NSMAF: variants seen among roughly 807,000 people sequenced by gnomAD.
The protein encoded by NSMAF is protein FAN.
In NSMAF, 90 loss-of-function variants were observed where a neutral mutation model predicts 134.9. That is an observed-to-expected ratio of 0.67 (90% CI 0.56 to 0.79). The LOEUF is 0.79. Ranked by LOEUF, NSMAF falls within the 30% of genes least tolerant of loss-of-function variation. The probability of loss-of-function intolerance (pLI) is 0.00; values close to 1 mark genes in which losing one functional copy is unlikely to be tolerated. For synonymous variants in NSMAF, 358 were observed against 389.6 expected (o/e 0.92, Z 0.96); for missense variants, 1,010 against 1,119.0 (o/e 0.90, Z 1.39).
At chr8:58,638,624 A>G (rs1001292444) in intron 2 of NSMAF, among the ~76,000 whole-genome samples, 1 of 152,182 alleles carries the variant, frequency 6.6e-6, no homozygotes, top group Non-Finnish European at 1.5e-5. Flanking sequence ...ATAAAAATCT[A>G]CTTGAAATGA....
chr8:58,637,039 CACCCACA>C (rs1166100666), intron 2 of NSMAF, among the ~76,000 whole-genome samples: 12 of 146,570 alleles, frequency 8.2e-5, no homozygotes, highest in Admixed American at 1.3e-4. Flanking sequence ...CACACACACA[CACCCACA>C]CACAAACACA....
At chr8:58,609,463 C>T (rs1181277983) in intron 10 of NSMAF, 141 bp downstream of exon 10, 3 of 749,974 alleles carry the variant, frequency 4.0e-6, no homozygotes, top group Non-Finnish European at 6.6e-6. Context: ...TTGTAAAATA[C>T]ACAGATGCTG....
chr8:58,586,103 G>A (rs539003772), intron 28 of NSMAF, 103 bp from the exon 29 acceptor site: 18 of 899,032 alleles, frequency 2.0e-5, no homozygotes, highest in African/African-American at 8.2e-5. Context: ...CTCCACATTC[G>A]TTTTCTTCAA....
chr8:58,595,767 A>T, intron 21 of NSMAF, 108 bp from the exon 22 acceptor site: 1 of 702,210 alleles, frequency 1.4e-6, no homozygotes, highest in Non-Finnish European at 2.5e-6. Context: ...GAAATGAAAC[A>T]CCCTGTCACA....
At chr8:58,587,787 C>A in intron 26 of NSMAF, 86 bp from the exon 27 acceptor site, 1 of 1,113,752 alleles carries the variant, frequency 9.0e-7, no homozygotes, top group South Asian at 1.4e-5. Context: ...CTCCTATGCT[C>A]AATTTCCATT....
intron 6 of NSMAF, among the ~76,000 whole-genome samples, chr8:58,627,665 A>T (rs1404336203): frequency 1.3e-5 from 2 of 152,238 alleles, no homozygotes; most frequent in East Asian, 3.8e-4. Flanking sequence ...CAAGGAGGTA[A>T]AATAGCTCTA....
chr8:58,619,326 AG>A (rs1806731281), intron 9 of NSMAF, among the ~76,000 whole-genome samples: 2 of 152,202 alleles, frequency 1.3e-5, no homozygotes, highest in Non-Finnish European at 2.9e-5. Context: ...AATCTCACAA[AG>A]GTAGCAATAA....
chr8:58,592,917 C>A (rs28623575), intron 23 of NSMAF, among the ~76,000 whole-genome samples: 9,312 of 66,420 alleles, frequency 0.14, 640 homozygotes, highest in East Asian at 0.39. Flanking sequence ...ACAACAACAA[C>A]AAAAAAAAAA....
rs372196879 is a variant in NSMAF, at chr8:58,594,307, T to C, written c.1893-17A>G. 1 of 1,608,826 alleles carries C rather than the reference T, an allele frequency of 6.2e-7. No homozygotes were observed. The highest frequency in any genetic ancestry group is 8.5e-7 in the Non-Finnish European group (1 of 1,175,318). On this transcript the variant is annotated splice_polypyrimidine_tract_variant and intron_variant, in intron 22 of 30. Coordinates refer to ENST00000038176, the MANE Select transcript of NSMAF (RefSeq NM_003580.4). Reference sequence around the variant, plus strand: ...GTAACTGCTCTGCTCAAAAACAAAGTTTCACAAATTACTACTCATCATGTG... The same window carrying C: ...GTAACTGCTCTGCTCAAAAACAAAGCTTCACAAATTACTACTCATCATGTG...
At chr8:58,599,470 C>A in intron 18 of NSMAF, 107 bp from the exon 19 acceptor site, 2 of 1,250,490 alleles carry the variant, frequency 1.6e-6, no homozygotes, top group Non-Finnish European at 1.1e-6. Context: ...GCAAGAGGTC[C>A]ATATTTCTTA....
chr8:58,589,975 C>T (rs368160639), intron 25 of NSMAF, 32 bp downstream of exon 25: 83 of 1,587,714 alleles, frequency 5.2e-5, no homozygotes, highest in Non-Finnish European at 6.0e-5. Flanking sequence ...TTCTGCACGT[C>T]GAATCACAGA....
At chr8:58,646,273 A>C (rs1807450329) in intron 1 of NSMAF, among the ~76,000 whole-genome samples, 1 of 152,224 alleles carries the variant, frequency 6.6e-6, no homozygotes, top group Non-Finnish European at 1.5e-5. Context: ...ACAAGACAGA[A>C]TTGGAGTTAC....
chr8:58,625,101 G>A (rs889185336), intron 6 of NSMAF, among the ~76,000 whole-genome samples: 11 of 152,142 alleles, frequency 7.2e-5, no homozygotes, highest in African/African-American at 2.7e-4. Flanking sequence ...TCCCCAATGT[G>A]GGTGGGCCTC....
chr8:58,658,916 C>A (rs1390438833), intron 1 of NSMAF, among the ~76,000 whole-genome samples: 1 of 152,216 alleles, frequency 6.6e-6, no homozygotes, highest in Non-Finnish European at 1.5e-5. Flanking sequence ...AGCTTTCCAA[C>A]ACAAGGTCCA....
At chr8:58,658,294 TCA>T (rs551336317) in intron 1 of NSMAF, among the ~76,000 whole-genome samples, 99 of 152,368 alleles carry the variant, frequency 6.5e-4, no homozygotes, top group African/African-American at 2.3e-3. Context: ...TAGTTAGGGC[TCA>T]GTTATTTAAT....
chr8:58,627,963 T>C (rs1332257800), intron 6 of NSMAF, among the ~76,000 whole-genome samples: 1 of 152,178 alleles, frequency 6.6e-6, no homozygotes, highest in Non-Finnish European at 1.5e-5. Context: ...TCTGGGGGCA[T>C]CACATTATTC....
Position 58,601,569 on chromosome 8 carries a change from A to G in NSMAF, c.1126-34T>C, listed in dbSNP as rs765508090. 8 of 1,551,908 alleles carry G rather than the reference A, an allele frequency of 5.2e-6. No individual in the cohort carries two copies. The Admixed American group carries it at 1.5e-4, about 29-fold the overall frequency. On this transcript the variant is annotated intron_variant, in intron 14 of 30. Coordinates refer to ENST00000038176, the MANE Select transcript of NSMAF (RefSeq NM_003580.4). ...CAGAAAAAAAAAAAAAATAGAGCTA[A>G]GTGTTGGCTATGAAATAATAACTGA...
chr8:58,649,703 G>T (rs1020834652), intron 1 of NSMAF, among the ~76,000 whole-genome samples: 11 of 152,112 alleles, frequency 7.2e-5, no homozygotes, highest in Non-Finnish European at 1.5e-4. Context: ...AGAGTCCAGA[G>T]CCTCCTCCTC....
In NSMAF at chr8:58,584,073, G is replaced by A. The variant is rs781457308; in HGVS notation, c.*33C>T. ...TTGGTTTAAAAATGCATTAAATAGA[G>A]TTCAATTTAATATTCAGGAGAGGAA... is the stretch of plus-strand genomic sequence containing the variant. On this transcript the variant is annotated 3_prime_UTR_variant, in exon 31 of 31. Coordinates refer to ENST00000038176, the MANE Select transcript of NSMAF (RefSeq NM_003580.4). 3 of 1,465,014 alleles carry A rather than the reference G, an allele frequency of 2.0e-6. No individual in the cohort carries two copies. The highest frequency in any genetic ancestry group is 2.9e-6 in the Non-Finnish European group (3 of 1,044,246). The allele number at this position is 1,465,014 out of a possible 1,614,324, so 90.8% of individuals were successfully genotyped here.
Sources: allele counts gnomAD v4.1 joint callset (sites outside exome capture counted in the v4.1 genomes callset), GRCh38; gene constraint gnomAD v4.1.1; transcripts MANE v1.5; gene names NCBI Gene and HGNC (gene_info 2026-07-23, HGNC 2026-07-21).